The following MYEF2 variants were observed in gnomAD, a reference collection of about 807,000 sequenced individuals.
The protein encoded by MYEF2 is myelin gene expression factor 2.
MYEF2 carries 37 observed loss-of-function variants against 75.2 expected under a neutral mutation model. The observed-to-expected ratio is 0.49, with a 90% CI of 0.38 to 0.65. The LOEUF is 0.65. Ranked by LOEUF, MYEF2 falls within the 30% of genes least tolerant of loss-of-function variation. MYEF2 has a pLI of 0.00. For synonymous variants in MYEF2, 195 were observed against 241.6 expected, an observed-to-expected ratio of 0.81 and a Z score of 1.79; for missense variants, 634 against 771.4, an observed-to-expected ratio of 0.82 and a Z score of 2.11.
intron 16 of MYEF2, among the ~76,000 whole-genome samples, chr15:48,143,424 C>G (rs1722469830): frequency 6.6e-6 from 1 of 152,000 alleles, no homozygotes; most frequent in African/African-American, 2.4e-5. Flanking sequence ...CATATTTAAA[C>G]AAAATTATTT....
intron 1 of MYEF2, among the ~76,000 whole-genome samples, chr15:48,174,481 A>G (rs2040447818): frequency 6.6e-6 from 1 of 152,004 alleles, no homozygotes; most frequent in South Asian, 2.1e-4. Context: ...AAGTTATTGC[A>G]CAGCAAAGGA....
At chr15:48,170,634 A>G (rs984154872) in intron 1 of MYEF2, among the ~76,000 whole-genome samples, 1 of 152,070 alleles carries the variant, frequency 6.6e-6, no homozygotes, top group Non-Finnish European at 1.5e-5. Context: ...TTCTAAGCCC[A>G]GCAATTCTGG....
At chr15:48,161,590 A>G (rs1474037302) in intron 5 of MYEF2, among the ~76,000 whole-genome samples, 2 of 151,732 alleles carry the variant, frequency 1.3e-5, no homozygotes, top group African/African-American at 4.8e-5. Flanking sequence ...CTTGGATTAT[A>G]TAACTCCAGG....
At chr15:48,175,152 C>T (rs546824635) in intron 1 of MYEF2, among the ~76,000 whole-genome samples, 1 of 152,232 alleles carries the variant, frequency 6.6e-6, no homozygotes, top group South Asian at 2.1e-4. Flanking sequence ...AGAACAAAAT[C>T]TTGCCATTTG....
At chr15:48,174,884 C>T (rs1219084155) in intron 1 of MYEF2, among the ~76,000 whole-genome samples, 3 of 151,992 alleles carry the variant, frequency 2.0e-5, no homozygotes, top group Non-Finnish European at 4.4e-5. Context: ...ATCAAGGGTC[C>T]ACAAAAAATT....
intron 1 of MYEF2, among the ~76,000 whole-genome samples, chr15:48,169,157 G>A (rs2040235271): frequency 6.6e-6 from 1 of 152,156 alleles, no homozygotes; most frequent in Admixed American, 6.5e-5. Flanking sequence ...AGAGGGAAGA[G>A]CAGATAATTT....
chr15:48,153,756 T>A (rs755657056), intron 10 of MYEF2, 36 bp downstream of exon 10: 1 of 1,530,648 alleles, frequency 6.5e-7, no homozygotes, highest in Admixed American at 1.7e-5. Flanking sequence ...AGCATATGTA[T>A]CATTTAAAAA....
In MYEF2 at chr15:48,165,949, G is replaced by C; in HGVS notation, c.509C>G (p.Pro170Arg). 1.3e-6 allele frequency: 2 copies of C among 1,558,364 alleles called. No homozygotes were observed. The highest frequency in any genetic ancestry group is 1.8e-5 in the Admixed American group (1 of 54,194). ...AAATCTTACCTCTTTAATATTAAGG[G>C]GTCTTCCACTAAGATCATATTTGTT... ...TMNKYDLSGR[P>R]LNIKEDPDGE... The change falls in exon 5 of 17, where the codon CCC (proline) becomes CGC (arginine). Residue 170 changes from proline to arginine, a missense_variant. By Grantham distance (103) the Pro-to-Arg change is moderately radical. Coordinates refer to ENST00000324324, the MANE Select transcript of MYEF2 (RefSeq NM_016132.5).
At chr15:48,175,581 T>A (rs1050749535) in intron 1 of MYEF2, among the ~76,000 whole-genome samples, 1 of 152,120 alleles carries the variant, frequency 6.6e-6, no homozygotes, top group Non-Finnish European at 1.5e-5. Context: ...CTTCAAAATA[T>A]ACAATTTTTG....
Position 48,153,850 on chromosome 15 carries a change from C to T in MYEF2, c.1029G>A (p.Gln343=), listed in dbSNP as rs1442422420. 6.2e-7 allele frequency: 1 copy of T among 1,613,458 alleles called. No individual in the cohort carries two copies. The part of the protein sequence containing the change: ...GIGMGLGPGG[Q]PISASQLNIG... ...TGTTCAACTGGCTGGCACTAATAGG[C>T]TGTCCACCCGGACCAAGTCCCATCC... Residue 343 remains glutamine (Q), a synonymous_variant, in exon 10 of 17, where the codon CAG becomes CAA. Transcript: ENST00000324324.
rs529491010 is a variant in MYEF2 at position 48,138,928 on chromosome 15, C to T, written c.*3980G>A. The T allele has an allele frequency of 7.0e-7, 1 of 1,438,516 alleles. No individual in the cohort carries two copies. Among genetic ancestry groups the T allele is most frequent in the African/African-American group, 1.4e-5 (1 of 70,188 alleles). 89.1% of individuals were successfully genotyped at this position (1,438,516 alleles called of 1,614,324 possible). ...AATAGGCATTTCTAACTTAATTAGC[C>T]ATTTGAGAAAACTCAAAAGTGTTTA... On this transcript the variant is annotated 3_prime_UTR_variant, in exon 17 of 17. Coordinates refer to ENST00000324324, the MANE Select transcript of MYEF2 (RefSeq NM_016132.5).
rs146317963 is a variant in MYEF2, at chr15:48,136,799, C to A, written c.*6109G>T. ...TGCAGTCCTTGCTGCGCCTGTCTTG[C>A]CAAAGCTATGGAGAGAAGTGAACAA... On this transcript the variant is annotated 3_prime_UTR_variant, in exon 17 of 17. Coordinates refer to ENST00000324324, the MANE Select transcript of MYEF2 (RefSeq NM_016132.5). 1.2e-6 allele frequency: 2 copies of A among 1,613,640 alleles called. No individual in the cohort carries two copies. The highest frequency in any genetic ancestry group is 2.7e-5 in the African/African-American group (2 of 74,888).
intron 1 of MYEF2, among the ~76,000 whole-genome samples, chr15:48,177,544 T>C (rs2040584555): frequency 6.6e-6 from 1 of 152,028 alleles, no homozygotes; most frequent in Admixed American, 6.6e-5. Context: ...AAACTTCCTC[T>C]CGGTATAAAT....
chr15:48,175,901 C>T (rs984064747), intron 1 of MYEF2, among the ~76,000 whole-genome samples: 7 of 152,030 alleles, frequency 4.6e-5, no homozygotes, highest in African/African-American at 1.7e-4. Context: ...AAACTAAATT[C>T]CCTGTATATG....
chr15:48,176,629 T>C (rs2040531886), intron 1 of MYEF2, among the ~76,000 whole-genome samples: 1 of 152,216 alleles, frequency 6.6e-6, no homozygotes, highest in African/African-American at 2.4e-5. Flanking sequence ...CTCTCTGTAA[T>C]TCAAGGCTGC....
At chr15:48,177,900 G>A (rs931256343) in intron 1 of MYEF2, among the ~76,000 whole-genome samples, 177 bp downstream of exon 1, 1 of 152,122 alleles carries the variant, frequency 6.6e-6, no homozygotes, top group Non-Finnish European at 1.5e-5. Flanking sequence ...GCCTGGGGCG[G>A]GCGGGGAAGG....
In MYEF2 at chr15:48,138,064, G is replaced by A. The variant is rs1338455930; in HGVS notation, c.*4844C>T. ...GCTTCTACTCTTTCAGGTATAAGAG[G>A]TATGCCTCTCCAAATTAAGTTTATA... On this transcript the variant is annotated 3_prime_UTR_variant, in exon 17 of 17. Coordinates refer to ENST00000324324, the MANE Select transcript of MYEF2 (RefSeq NM_016132.5). 6.6e-6 allele frequency: 1 copy of A among 151,934 alleles called. No homozygotes were observed. The highest frequency in any genetic ancestry group is 1.9e-4 in the East Asian group (1 of 5,192). 9.4% of individuals were successfully genotyped at this position (151,934 alleles called of 1,614,324 possible).
rs1302274898 is a variant in MYEF2 at position 48,141,217 on chromosome 15, A to T, written c.*1691T>A. On this transcript the variant is annotated 3_prime_UTR_variant, in exon 17 of 17. Transcript: ENST00000324324. ...AAGTGTGTTGGTTGCAAGAAAAGGT[A>T]AGAACTAGGTCCCTCAAGCTGCAAT... is the stretch of plus-strand genomic sequence containing the variant. 1 of 1,604,390 alleles carries T rather than the reference A, an allele frequency of 6.2e-7. No homozygotes were observed. Among genetic ancestry groups the T allele is most frequent in the Non-Finnish European group, 8.5e-7 (1 of 1,171,402 alleles).
intron 16 of MYEF2, 34 bp from the exon 17 acceptor site, chr15:48,143,105 T>G: frequency 7.1e-7 from 1 of 1,412,702 alleles, no homozygotes; most frequent in Non-Finnish European, 9.3e-7. Context: ...TACTAGTCAG[T>G]TTAAATAAGT....
Sources: gnomAD v4.1 joint callset for allele counts (sites outside exome capture counted in the v4.1 genomes callset) on GRCh38, gnomAD v4.1.1 for gene constraint, MANE v1.5 for transcripts, NCBI Gene and HGNC (gene_info 2026-07-23, HGNC 2026-07-21) for gene names.